Variants in SDK1 observed in about 807,000 individuals in gnomAD.
SDK1 encodes the protein protein sidekick-1.
Under a neutral mutation model 245.5 loss-of-function variants are expected in SDK1, and 157 were observed. The observed-to-expected ratio is 0.64, with a 90% confidence interval of 0.56 to 0.73. SDK1 has a LOEUF of 0.73. SDK1 is among the 30% of genes least tolerant of loss of function. The pLI is 0.00. For missense variants in SDK1, 3,583 were observed against 3,002.3 expected, an observed-to-expected ratio of 1.19 and a Z score of -4.52; for synonymous variants, 1,647 against 1,278.5, an observed-to-expected ratio of 1.29 and a Z score of -6.15.
chr7:3,835,925 A>C (rs1780020388), intron 5 of SDK1, among the ~76,000 whole-genome samples: 1 of 152,250 alleles, frequency 6.6e-6, no homozygotes, highest in Non-Finnish European at 1.5e-5. Context: ...ATAAAGACAC[A>C]GTAAGGTCAA....
intron 4 of SDK1, among the ~76,000 whole-genome samples, chr7:3,807,510 T>A (rs1252175041): frequency 3.3e-5 from 5 of 152,180 alleles, no homozygotes; most frequent in Non-Finnish European, 7.3e-5. Context: ...CAGGCCTTTC[T>A]TAGCCAGTGG....
At chr7:3,353,051 C>G (rs1780702069) in intron 1 of SDK1, among the ~76,000 whole-genome samples, 1 of 152,168 alleles carries the variant, frequency 6.6e-6, no homozygotes, top group Non-Finnish European at 1.5e-5. Context: ...GTCATTAGTT[C>G]TTTTAAAGTA....
At chr7:4,144,220 G>A (rs1157248783) in intron 28 of SDK1, among the ~76,000 whole-genome samples, 2 of 152,144 alleles carry the variant, frequency 1.3e-5, no homozygotes, top group Non-Finnish European at 2.9e-5. Flanking sequence ...GAAGGAACAG[G>A]AGTCTAGCAG....
intron 4 of SDK1, among the ~76,000 whole-genome samples, chr7:3,776,644 C>T (rs1435897309): frequency 2.0e-5 from 3 of 151,690 alleles, no homozygotes; most frequent in African/African-American, 7.3e-5. Flanking sequence ...AGTTGTTCAT[C>T]ACTGCCTACA....
intron 1 of SDK1, among the ~76,000 whole-genome samples, chr7:3,401,565 TGAA>T (rs1261200134): frequency 6.6e-6 from 1 of 152,160 alleles, no homozygotes; most frequent in Non-Finnish European, 1.5e-5. Context: ...AGGTGAGTCT[TGAA>T]GAGGCTGTGG....
chr7:3,440,546 G>C (rs1780165875), intron 1 of SDK1, among the ~76,000 whole-genome samples: 1 of 152,152 alleles, frequency 6.6e-6, no homozygotes, highest in African/African-American at 2.4e-5. Flanking sequence ...CAGTATCTCA[G>C]TGCTTGTGTT....
intron 1 of SDK1, among the ~76,000 whole-genome samples, chr7:3,474,627 C>A (rs1401145376): frequency 6.6e-6 from 1 of 152,162 alleles, no homozygotes; most frequent in Admixed American, 6.5e-5. Context: ...TGTAACCCAT[C>A]CATGTCTTTC....
intron 25 of SDK1, among the ~76,000 whole-genome samples, chr7:4,121,714 G>A (rs1464125956): frequency 6.6e-6 from 1 of 152,176 alleles, no homozygotes; most frequent in Non-Finnish European, 1.5e-5. Context: ...TCTGTTCATA[G>A]TTCATGTTCT....
chr7:3,438,978 G>A (rs1427934053), intron 1 of SDK1, among the ~76,000 whole-genome samples: 2 of 150,076 alleles, frequency 1.3e-5, no homozygotes, highest in South Asian at 2.1e-4. Context: ...TCAGCCTCCC[G>A]AGTAGTTGGG....
intron 4 of SDK1, among the ~76,000 whole-genome samples, chr7:3,680,763 C>G (rs147556853): frequency 1.3e-5 from 2 of 152,292 alleles, no homozygotes; most frequent in East Asian, 1.9e-4. Context: ...TCTCCAGATG[C>G]AACTCCTCTT....
chr7:4,141,437 T>G (rs1779576510), intron 28 of SDK1, among the ~76,000 whole-genome samples: 1 of 152,210 alleles, frequency 6.6e-6, no homozygotes, highest in Non-Finnish European at 1.5e-5. Context: ...TAAAACATGG[T>G]GAAACAGTAA....
At chr7:4,164,520 G>A (rs1781370933) in intron 32 of SDK1, among the ~76,000 whole-genome samples, 1 of 152,218 alleles carries the variant, frequency 6.6e-6, no homozygotes, top group Admixed American at 6.5e-5. Context: ...CACCAACACA[G>A]TCAATCACAA....
chr7:3,599,660 T>A (rs1172840837), intron 1 of SDK1, among the ~76,000 whole-genome samples: 1 of 152,190 alleles, frequency 6.6e-6, no homozygotes, highest in Admixed American at 6.5e-5. Context: ...AGGTAAATGT[T>A]TGATTTTTTG....
intron 35 of SDK1, among the ~76,000 whole-genome samples, chr7:4,189,338 A>G (rs571765780): frequency 8.1e-4 from 124 of 152,258 alleles, no homozygotes; most frequent in Non-Finnish European, 1.3e-3. Context: ...CTCAAGGCTG[A>G]GGCTCACATG....
At chr7:4,033,287 A>C (rs1562702080) in intron 17 of SDK1, among the ~76,000 whole-genome samples, 1 of 152,164 alleles carries the variant, frequency 6.6e-6, no homozygotes, top group African/African-American at 2.4e-5. Flanking sequence ...TCCATTCCCT[A>C]CCCCCATATA....
At chr7:3,474,129 G>A (rs548006876) in intron 1 of SDK1, among the ~76,000 whole-genome samples, 2 of 98,304 alleles carry the variant, frequency 2.0e-5, no homozygotes, top group African/African-American at 9.0e-5. Flanking sequence ...TTTTGAGACC[G>A]TGTCTCTCTG....
chr7:3,784,922 A>T (rs1016456388), intron 4 of SDK1, among the ~76,000 whole-genome samples: 2 of 152,262 alleles, frequency 1.3e-5, no homozygotes, highest in East Asian at 1.9e-4. Flanking sequence ...CTGCAGCATT[A>T]TTCACAGTAG....
intron 35 of SDK1, among the ~76,000 whole-genome samples, chr7:4,182,390 C>T (rs762029997): frequency 1.3e-5 from 2 of 152,238 alleles, no homozygotes; most frequent in Non-Finnish European, 2.9e-5. Flanking sequence ...TCATCCCAAA[C>T]AGCTCCTTGC....
chr7:3,659,754 CG>C (rs1172731928), intron 4 of SDK1, among the ~76,000 whole-genome samples: 1 of 152,160 alleles, frequency 6.6e-6, no homozygotes, highest in Non-Finnish European at 1.5e-5. Flanking sequence ...GGAGAGAATA[CG>C]TAGGAAGCTT....
Sources: allele counts gnomAD v4.1 joint callset (sites outside exome capture counted in the v4.1 genomes callset), GRCh38; gene constraint gnomAD v4.1.1; transcripts MANE v1.5; gene names NCBI Gene and HGNC (gene_info 2026-07-23, HGNC 2026-07-21).